UNC13B: variants seen among roughly 807,000 people sequenced by gnomAD.
UNC13B encodes the protein protein unc-13 homolog B.
A neutral mutation model predicts 211.0 loss-of-function variants in UNC13B; 144 were observed. The ratio of observed to expected loss-of-function variants is 0.68; its 90% CI spans 0.60 to 0.78. The LOEUF is 0.78. Ranked by LOEUF, UNC13B falls within the 30% of genes least tolerant of loss-of-function variation. The pLI is 0.00. For missense variants in UNC13B, 1,777 were observed against 2,002.0 expected (o/e 0.89, Z 2.14); for synonymous variants, 709 against 725.8 (o/e 0.98, Z 0.37).
chr9:35,192,672 A>G (rs1822722436), intron 1 of UNC13B, among the ~76,000 whole-genome samples: 2 of 152,248 alleles, frequency 1.3e-5, no homozygotes, highest in South Asian at 4.1e-4. Context: ...GGCCTGCCTG[A>G]TATGACTACT....
intron 11 of UNC13B, chr9:35,352,689 T>A: frequency 1.6e-6 from 2 of 1,232,110 alleles, no homozygotes; most frequent in Non-Finnish European, 2.0e-6. Context: ...GAAAGTGATG[T>A]GCCCAAGCTA....
chr9:35,215,068 T>C (rs1226373706), intron 1 of UNC13B, among the ~76,000 whole-genome samples: 1 of 152,186 alleles, frequency 6.6e-6, no homozygotes, highest in African/African-American at 2.4e-5. Context: ...AGGATTGAGA[T>C]ACAAGAAAGA....
At chr9:35,202,183 T>A (rs943113272) in intron 1 of UNC13B, among the ~76,000 whole-genome samples, 1 of 152,222 alleles carries the variant, frequency 6.6e-6, no homozygotes, top group Non-Finnish European at 1.5e-5. Flanking sequence ...TCTAGTTTGA[T>A]TGCACTGTAG....
At chr9:35,386,128 A>C in intron 23 of UNC13B, 37 bp from the exon 24 acceptor site, 1 of 1,613,358 alleles carries the variant, frequency 6.2e-7, no homozygotes, top group Non-Finnish European at 8.5e-7. Context: ...CCAGGTGAGC[A>C]GGTCCTTGGG....
At chr9:35,327,198 G>A (rs1281792380) in intron 11 of UNC13B, among the ~76,000 whole-genome samples, 1 of 152,168 alleles carries the variant, frequency 6.6e-6, no homozygotes, top group Non-Finnish European at 1.5e-5. Flanking sequence ...GTTGGTCAGT[G>A]TATTATTAGG....
chr9:35,342,698 T>C (rs1316020442), intron 11 of UNC13B, among the ~76,000 whole-genome samples: 2 of 152,236 alleles, frequency 1.3e-5, no homozygotes, highest in African/African-American at 2.4e-5. Context: ...TGTCCATTCC[T>C]CTCCTGCATG....
chr9:35,226,589 C>G (rs1824855367), intron 1 of UNC13B, among the ~76,000 whole-genome samples: 1 of 152,098 alleles, frequency 6.6e-6, no homozygotes. Context: ...CCCGAGAGCC[C>G]CTGGCAAAGC....
intron 11 of UNC13B, among the ~76,000 whole-genome samples, chr9:35,337,299 T>C (rs1246867120): frequency 1.3e-5 from 2 of 152,116 alleles, no homozygotes. Flanking sequence ...GACTAAAGAT[T>C]GCAGAGGAGA....
chr9:35,351,576 G>T, intron 11 of UNC13B: 1 of 1,232,258 alleles, frequency 8.1e-7, no homozygotes, highest in African/African-American at 1.5e-5. Context: ...GTTACCTTGG[G>T]ACCCTCCTCC....
At chr9:35,192,512 T>G (rs1277464823) in intron 1 of UNC13B, among the ~76,000 whole-genome samples, 1 of 152,178 alleles carries the variant, frequency 6.6e-6, no homozygotes, top group East Asian at 1.9e-4. Context: ...TATATACCTA[T>G]CAGGGTCATT....
At chr9:35,376,373 C>A in intron 15 of UNC13B, 126 bp downstream of exon 15, 1 of 951,446 alleles carries the variant, frequency 1.1e-6, no homozygotes, top group Non-Finnish European at 1.6e-6. Context: ...GAAACCCTAT[C>A]CATTTCAGAG....
intron 15 of UNC13B, among the ~76,000 whole-genome samples, chr9:35,377,081 C>A (rs183771957): frequency 1.4e-3 from 209 of 152,336 alleles, no homozygotes; most frequent in Non-Finnish European, 2.2e-3. Context: ...ACAAGTACTT[C>A]ATTATCCCAA....
chr9:35,398,006 A>G (rs1564197861), intron 30 of UNC13B, among the ~76,000 whole-genome samples: 2 of 152,178 alleles, frequency 1.3e-5, no homozygotes, highest in African/African-American at 4.8e-5. Flanking sequence ...TTAATACTTG[A>G]GTACCTACCA....
intron 6 of UNC13B, among the ~76,000 whole-genome samples, chr9:35,247,179 C>T (rs1826153162): frequency 6.6e-6 from 1 of 152,126 alleles, no homozygotes; most frequent in Non-Finnish European, 1.5e-5. Context: ...TACAGGAATG[C>T]TTGTGATTTT....
In UNC13B at chr9:35,398,232, G is replaced by A. The variant is rs746974980; in HGVS notation, c.11776G>A (p.Val3926Met). The A allele has an allele frequency of 6.2e-6, 10 of 1,613,788 alleles. No individual in the cohort carries two copies. The Admixed American group carries it at 6.7e-5, about 11-fold the overall frequency. The change falls in exon 31 of 40, where the codon GTG (valine) becomes ATG (methionine). Residue 3926 changes from valine (V) to methionine (M), a missense_variant. By Grantham distance (21) the Val-to-Met change is conservative (BLOSUM62 1). Transcript: ENST00000635942. ...AAAGCCCTGCATCCTGATGAACAAC[G>A]TGCAGCAACTGAGGGTCCAGCTGGA... ...EKLPCILMNNVQQLRVQLEKM... is the reference protein window; with the variant it reads ...EKLPCILMNNMQQLRVQLEKM...
chr9:35,333,850 C>G (rs1408284913), intron 11 of UNC13B, among the ~76,000 whole-genome samples: 1 of 152,196 alleles, frequency 6.6e-6, no homozygotes, highest in African/African-American at 2.4e-5. Flanking sequence ...AGAATAAGCA[C>G]TGTAATTGGG....
chr9:35,319,741 A>G (rs1001883952), intron 11 of UNC13B, among the ~76,000 whole-genome samples: 3 of 151,852 alleles, frequency 2.0e-5, no homozygotes, highest in African/African-American at 7.3e-5. Context: ...GCTCACTGCA[A>G]CCTTAACTCC....
chr9:35,284,141 C>A (rs10814220), intron 7 of UNC13B, among the ~76,000 whole-genome samples: 1 of 151,944 alleles, frequency 6.6e-6, no homozygotes, highest in African/African-American at 2.4e-5. Context: ...GCGACTGTAG[C>A]CTGTAGTCCA....
At chr9:35,361,344 G>A (rs1168345124) in intron 11 of UNC13B, 1 of 152,124 alleles carries the variant, frequency 6.6e-6, no homozygotes, top group Admixed American at 6.5e-5. Flanking sequence ...CAGAAAGTTT[G>A]ATTCTTAAGA....
Sources: gnomAD v4.1 joint callset for allele counts (sites outside exome capture counted in the v4.1 genomes callset) on GRCh38, gnomAD v4.1.1 for gene constraint, MANE v1.5 for transcripts, NCBI Gene and HGNC (gene_info 2026-07-23, HGNC 2026-07-21) for gene names.